NFE2L2: variants seen among roughly 807,000 people sequenced by gnomAD.
NFE2L2 encodes nuclear factor erythroid 2-related factor 2.
NFE2L2 carries 20 observed loss-of-function variants against 49.6 expected under a neutral mutation model. That is an observed-to-expected ratio of 0.40 (90% CI 0.28 to 0.59). The LOEUF (loss-of-function observed/expected upper bound fraction) is 0.59. Among genes scored for constraint, NFE2L2 ranks in the 20% least tolerant of loss-of-function variants. The pLI, the probability that NFE2L2 is intolerant of heterozygous loss-of-function variation, is 0.40. For synonymous variants in NFE2L2, 244 were observed against 256.5 expected, an observed-to-expected ratio of 0.95 and a Z score of 0.47; for missense variants, 578 against 714.2, an observed-to-expected ratio of 0.81 and a Z score of 2.17.
rs953753013 is a variant in NFE2L2, at chr2:177,231,701, G to A, written c.902C>T (p.Ser301Leu). ...AEPSISNSMP[S>L]PATLSHSLSE... ...GAGTGAATGGCTTAAAGTAGCAGGTGAGGGCATGCTGTTGCTGATACTGGG... is the reference window on the plus strand; with the variant it reads ...GAGTGAATGGCTTAAAGTAGCAGGTAAGGGCATGCTGTTGCTGATACTGGG... The change falls in exon 5 of 5, where the codon TCA (serine) becomes TTA (leucine). Residue 301 changes from serine (S) to leucine (L), a missense_variant. Coordinates refer to ENST00000397062, the MANE Select transcript of NFE2L2 (RefSeq NM_006164.5). The A allele has an allele frequency of 1.2e-6, 2 of 1,614,090 alleles. No individual in the cohort carries two copies. The highest frequency in any genetic ancestry group is 1.3e-5 in the African/African-American group (1 of 74,932).
chr2:177,259,261 C>T (rs1287998784), intron 1 of NFE2L2, among the ~76,000 whole-genome samples: 1 of 151,786 alleles, frequency 6.6e-6, no homozygotes, highest in African/African-American at 2.4e-5. Flanking sequence ...CAGACTGTAC[C>T]AATGCACTCC....
intron 1 of NFE2L2, among the ~76,000 whole-genome samples, chr2:177,242,829 C>A (rs951683877): frequency 1.5e-4 from 23 of 151,926 alleles, no homozygotes; most frequent in African/African-American, 5.6e-4. Flanking sequence ...GGTGATCCTA[C>A]CTGCTACAAA....
At chr2:177,233,404 A>G in intron 2 of NFE2L2, 65 bp from the exon 3 acceptor site, 1 of 1,136,910 alleles carries the variant, frequency 8.8e-7, no homozygotes, top group Non-Finnish European at 1.3e-6. Context: ...CAAGCTAAAT[A>G]TTCAATAATT....
At chr2:177,256,130 AC>A (rs1003269571) in intron 1 of NFE2L2, 1 of 154,626 alleles carries the variant, frequency 6.5e-6, no homozygotes, top group Non-Finnish European at 1.5e-5. Context: ...TGCAAAACAA[AC>A]CAAAAAAAAA....
chr2:177,264,103 C>T (rs972771263), intron 1 of NFE2L2, among the ~76,000 whole-genome samples: 2 of 152,176 alleles, frequency 1.3e-5, no homozygotes, highest in Admixed American at 1.3e-4. Flanking sequence ...GGCACCGAGG[C>T]GGGGGAGCCG....
intron 1 of NFE2L2, among the ~76,000 whole-genome samples, chr2:177,249,474 C>T (rs767142659): frequency 2.0e-5 from 3 of 152,078 alleles, no homozygotes; most frequent in African/African-American, 4.8e-5. Flanking sequence ...CCTCTAAATA[C>T]CTCTGATTCT....
intron 1 of NFE2L2, among the ~76,000 whole-genome samples, chr2:177,249,768 C>T (rs1027226439): frequency 7.9e-5 from 12 of 152,138 alleles, no homozygotes; most frequent in African/African-American, 2.9e-4. Context: ...CATGGTAACA[C>T]GAAATGTAGT....
chr2:177,236,180 A>C (rs1046300082), intron 1 of NFE2L2, among the ~76,000 whole-genome samples: 1 of 152,306 alleles, frequency 6.6e-6, no homozygotes. Context: ...CGCAAATAAC[A>C]TGGTGGTTGT....
In NFE2L2 at chr2:177,231,377, G is replaced by A. The variant is rs768355230; in HGVS notation, c.1226C>T (p.Pro409Leu). ...CACGTGAGTGCTCTGCCCCTGAGATGGTGACAAGGGTTGTACCATATCCCC... is the reference window on the plus strand; with the variant it reads ...CACGTGAGTGCTCTGCCCCTGAGATAGTGACAAGGGTTGTACCATATCCCC... Reference protein sequence around the residue: ...SSGDMVQPLSPSQGQSTHVHD... With the variant: ...SSGDMVQPLSLSQGQSTHVHD... The change falls in exon 5 of 5, where the codon CCA becomes CTA. Residue 409 changes from proline to leucine, a missense_variant. Transcript: ENST00000397062. The A allele has an allele frequency of 4.3e-6, 7 of 1,614,254 alleles. No homozygotes were observed. The East Asian group carries it at 1.3e-4, about 31-fold the overall frequency.
intron 1 of NFE2L2, among the ~76,000 whole-genome samples, chr2:177,246,021 C>A (rs1337492374): frequency 3.3e-5 from 5 of 152,234 alleles, no homozygotes; most frequent in Non-Finnish European, 5.9e-5. Context: ...GACCTTCTGA[C>A]CTTGAGCCTG....
At position 177,231,574 on chromosome 2, in the gene NFE2L2, G is replaced by A. The variant is rs781526366; in HGVS notation, c.1029C>T (p.Asp343=). 1.3e-5 allele frequency: 21 copies of A among 1,614,104 alleles called. No individual in the cohort carries two copies. The highest frequency in any genetic ancestry group is 1.7e-5 in the Non-Finnish European group (20 of 1,180,036). The change falls in exon 5 of 5, where the codon GAC becomes GAT. Residue 343 remains aspartate, a synonymous_variant. Transcript: ENST00000397062. ...GACTTGTGTTTAGTGAAATGCCGGA[G>A]TCAGAATCATTGAATTCTGCTGTGC... The part of the protein sequence containing the change: ...PESTAEFNDS[D]SGISLNTSPS...
intron 1 of NFE2L2, among the ~76,000 whole-genome samples, chr2:177,258,254 G>C (rs1482404492): frequency 6.6e-6 from 1 of 152,196 alleles, no homozygotes; most frequent in Non-Finnish European, 1.5e-5. Flanking sequence ...CCATAAAAAG[G>C]AATGACGCTA....
At chr2:177,242,061 T>C (rs1395290514) in intron 1 of NFE2L2, among the ~76,000 whole-genome samples, 3 of 152,232 alleles carry the variant, frequency 2.0e-5, no homozygotes, top group Admixed American at 6.5e-5. Context: ...GCAATACCAA[T>C]TGTTTTCTCA....
At chr2:177,241,663 G>A (rs1029563237) in intron 1 of NFE2L2, among the ~76,000 whole-genome samples, 2 of 151,930 alleles carry the variant, frequency 1.3e-5, no homozygotes, top group Admixed American at 1.3e-4. Flanking sequence ...TTTGAGACCA[G>A]CCTGGGCAAC....
chr2:177,235,422 G>A (rs1558981724), intron 1 of NFE2L2, among the ~76,000 whole-genome samples: 1 of 151,864 alleles, frequency 6.6e-6, no homozygotes, highest in East Asian at 1.9e-4. Flanking sequence ...GGGCAACAAA[G>A]TGAGACCCTG....
intron 1 of NFE2L2, among the ~76,000 whole-genome samples, chr2:177,262,697 A>G (rs1250924972): frequency 1.3e-5 from 2 of 152,248 alleles, no homozygotes; most frequent in Non-Finnish European, 2.9e-5. Context: ...GCATTTTTGT[A>G]TAAGGAATGT....
At chr2:177,240,653 G>C (rs1382441660) in intron 1 of NFE2L2, among the ~76,000 whole-genome samples, 1 of 152,098 alleles carries the variant, frequency 6.6e-6, no homozygotes, top group Non-Finnish European at 1.5e-5. Context: ...TGCCAACTGG[G>C]TAATCTGTTA....
At chr2:177,233,783 TA>T in intron 2 of NFE2L2, 2 of 615,520 alleles carry the variant, frequency 3.2e-6, no homozygotes, top group Non-Finnish European at 5.6e-6. Context: ...TGGTGTAACT[TA>T]AGTCTTCCCA....
At chr2:177,243,167 C>G (rs1689998853) in intron 1 of NFE2L2, among the ~76,000 whole-genome samples, 1 of 152,166 alleles carries the variant, frequency 6.6e-6, no homozygotes, top group African/African-American at 2.4e-5. Context: ...ACCCTCCCCA[C>G]ACCCGACCCG....
Sources: gnomAD v4.1 joint callset for allele counts (sites outside exome capture counted in the v4.1 genomes callset) on GRCh38, gnomAD v4.1.1 for gene constraint, MANE v1.5 for transcripts, NCBI Gene and HGNC (gene_info 2026-07-23, HGNC 2026-07-21) for gene names.